FSTL5: variants seen among roughly 807,000 people sequenced by gnomAD.
FSTL5 encodes the protein follistatin-related protein 5.
In FSTL5, 62 loss-of-function variants were observed where a neutral mutation model predicts 89.1. The ratio of observed to expected loss-of-function variants is 0.70; its 90% CI spans 0.57 to 0.86. FSTL5 has a LOEUF of 0.86. Ranked by LOEUF, FSTL5 falls within the 40% of genes least tolerant of loss-of-function variation. The pLI, the probability that FSTL5 is intolerant of heterozygous loss-of-function variation, is 0.00. For missense variants in FSTL5, 1,057 were observed against 1,001.6 expected (o/e 1.06, Z -0.75); for synonymous variants, 383 against 346.2 (o/e 1.11, Z -1.18).
intron 7 of FSTL5, among the ~76,000 whole-genome samples, chr4:161,619,733 T>G (rs897434404): frequency 6.6e-6 from 1 of 152,226 alleles, no homozygotes; most frequent in African/African-American, 2.4e-5. Context: ...ACTTTTACAC[T>G]GTTGGTGGGA....
intron 3 of FSTL5, among the ~76,000 whole-genome samples, chr4:161,970,876 T>C (rs1197551568): frequency 6.6e-6 from 1 of 152,122 alleles, no homozygotes; most frequent in African/African-American, 2.4e-5. Flanking sequence ...GTATCAGTTA[T>C]ATTTGAACAA....
intron 4 of FSTL5, among the ~76,000 whole-genome samples, chr4:161,784,903 AAAAC>A (rs1457588075): frequency 2.1e-5 from 3 of 143,240 alleles, no homozygotes; most frequent in Non-Finnish European, 4.6e-5. Flanking sequence ...AAAAAAAACA[AAAAC>A]AAACAAACAA....
At chr4:161,565,742 G>GACAC (rs145835055) in intron 8 of FSTL5, among the ~76,000 whole-genome samples, 12,395 of 133,494 alleles carry the variant, frequency 0.093, 678 homozygotes, top group African/African-American at 0.14. Flanking sequence ...TATAACTTGA[G>GACAC]ACACACACAC....
chr4:161,691,583 CACTT>C (rs1737945244), intron 6 of FSTL5, among the ~76,000 whole-genome samples: 1 of 152,084 alleles, frequency 6.6e-6, no homozygotes, highest in Non-Finnish European at 1.5e-5. Context: ...ATAGGAATTC[CACTT>C]AATCTGCAGA....
chr4:161,665,203 T>C (rs1179349512), intron 6 of FSTL5, among the ~76,000 whole-genome samples: 1 of 152,180 alleles, frequency 6.6e-6, no homozygotes, highest in African/African-American at 2.4e-5. Flanking sequence ...GTTTTTGTTT[T>C]TGTTTTTTAA....
chr4:161,673,372 T>C (rs943825168), intron 6 of FSTL5, among the ~76,000 whole-genome samples: 1 of 152,042 alleles, frequency 6.6e-6, no homozygotes, highest in African/African-American at 2.4e-5. Context: ...GTTTTGTAAA[T>C]ATTTTACTAT....
chr4:161,418,829 G>A (rs2126307454), intron 15 of FSTL5, among the ~76,000 whole-genome samples: 1 of 152,278 alleles, frequency 6.6e-6, no homozygotes, highest in African/African-American at 2.4e-5. Flanking sequence ...CAAATGTTGG[G>A]AACAAAATAG....
At chr4:161,960,276 C>CCTGCCT (rs1560938091) in intron 3 of FSTL5, among the ~76,000 whole-genome samples, 3 of 150,532 alleles carry the variant, frequency 2.0e-5, no homozygotes, top group African/African-American at 7.3e-5. Context: ...AAGAGATTCT[C>CCTGCCT]CTGCCTCAGT....
intron 12 of FSTL5, among the ~76,000 whole-genome samples, chr4:161,483,010 T>C (rs923057389): frequency 4.6e-5 from 7 of 152,336 alleles, no homozygotes; most frequent in Middle Eastern, 3.4e-3. Flanking sequence ...ATTAATTCTA[T>C]GTACCATGGC....
intron 4 of FSTL5, among the ~76,000 whole-genome samples, chr4:161,776,706 T>C (rs1380655864): frequency 1.3e-5 from 2 of 151,712 alleles, no homozygotes; most frequent in Non-Finnish European, 2.9e-5. Context: ...TTGTTACAAA[T>C]AAATAATGTT....
chr4:161,914,868 G>A (rs762552930), intron 4 of FSTL5, among the ~76,000 whole-genome samples: 2 of 152,028 alleles, frequency 1.3e-5, no homozygotes, highest in Non-Finnish European at 2.9e-5. Context: ...TTCTTCTGTT[G>A]GCCAAGAATT....
At chr4:161,791,721 T>G (rs1484706291) in intron 4 of FSTL5, among the ~76,000 whole-genome samples, 2 of 152,208 alleles carry the variant, frequency 1.3e-5, no homozygotes, top group Non-Finnish European at 2.9e-5. Flanking sequence ...CTGATCTGAT[T>G]TGCTGACATG....
Position 161,535,911 on chromosome 4 carries a change from G to A in FSTL5, c.1312+2255C>T, listed in dbSNP as rs544024964. Reference sequence around the variant, plus strand: ...TCATGGAATACTACTCAGCCATAAAGAAGAATGAAATCATAGTCTTTGAAA... The same window carrying A: ...TCATGGAATACTACTCAGCCATAAAAAAGAATGAAATCATAGTCTTTGAAA... On this transcript the variant is annotated intron_variant, in intron 10 of 15. Coordinates refer to ENST00000306100, the MANE Select transcript of FSTL5 (RefSeq NM_020116.5). 9.1e-4 allele frequency among the ~76,000 whole-genome samples: 139 copies of A among 152,098 alleles called. 1 individual carries two copies. In the East Asian group the frequency reaches 0.024, roughly 26 times the overall value.
chr4:161,938,768 C>A (rs779084424), intron 3 of FSTL5, among the ~76,000 whole-genome samples: 1 of 151,830 alleles, frequency 6.6e-6, no homozygotes, highest in Non-Finnish European at 1.5e-5. Context: ...GTTATAAGAT[C>A]CTTTTAATAA....
chr4:161,702,862 G>A (rs1738444856), intron 6 of FSTL5, among the ~76,000 whole-genome samples: 1 of 152,034 alleles, frequency 6.6e-6, no homozygotes. Context: ...GGATTGAATT[G>A]TGTCCCCTAC....
At chr4:161,554,981 G>A (rs776883124) in intron 8 of FSTL5, among the ~76,000 whole-genome samples, 38 of 151,724 alleles carry the variant, frequency 2.5e-4, no homozygotes, top group Non-Finnish European at 4.3e-4. Context: ...TTGTCCCAAA[G>A]CAGTCTTTTT....
intron 6 of FSTL5, among the ~76,000 whole-genome samples, chr4:161,710,281 T>G (rs1738733920): frequency 6.6e-6 from 1 of 152,166 alleles, no homozygotes; most frequent in Admixed American, 6.5e-5. Context: ...CACAGACTTT[T>G]GATAGTCTAA....
chr4:161,508,756 T>G (rs1323519768), intron 11 of FSTL5, among the ~76,000 whole-genome samples: 2 of 152,182 alleles, frequency 1.3e-5, no homozygotes, highest in African/African-American at 2.4e-5. Flanking sequence ...CCACATACTT[T>G]AAGTTGATTT....
chr4:162,053,994 C>A (rs1738463087), intron 2 of FSTL5, among the ~76,000 whole-genome samples: 1 of 151,180 alleles, frequency 6.6e-6, no homozygotes. Flanking sequence ...GTAATAAAAC[C>A]CAAAGTAAAA....
Sources: allele counts gnomAD v4.1 joint callset (sites outside exome capture counted in the v4.1 genomes callset), GRCh38; gene constraint gnomAD v4.1.1; transcripts MANE v1.5; gene names NCBI Gene and HGNC (gene_info 2026-07-23, HGNC 2026-07-21).